The following ASIC2 variants were observed in gnomAD, a reference collection of about 807,000 sequenced individuals.
The protein encoded by ASIC2 is acid sensing ion channel subunit 2.
ASIC2 carries 25 observed loss-of-function variants against 57.3 expected under a neutral mutation model. That is an observed-to-expected ratio of 0.44 (90% CI 0.32 to 0.61). The LOEUF is 0.61. Among genes scored for constraint, ASIC2 ranks in the 20% least tolerant of loss-of-function variants. ASIC2 has a pLI of 0.06. For missense variants in ASIC2, 641 were observed against 738.1 expected (o/e 0.87, Z 1.52); for synonymous variants, 319 against 307.5 (o/e 1.04, Z -0.39).
chr17:33,150,654 G>A (rs1369130321), intron 1 of ASIC2, among the ~76,000 whole-genome samples: 1 of 151,544 alleles, frequency 6.6e-6, no homozygotes, highest in Non-Finnish European at 1.5e-5. Flanking sequence ...TTTGAGACTA[G>A]CCTGGCTAAC....
chr17:33,320,918 C>A (rs538070569), intron 1 of ASIC2, among the ~76,000 whole-genome samples: 2 of 152,114 alleles, frequency 1.3e-5, no homozygotes, highest in Non-Finnish European at 1.5e-5. Context: ...GTAGGCAGTA[C>A]CATTCGTTCT....
At chr17:33,747,039 C>T (rs1252867108) in intron 1 of ASIC2, among the ~76,000 whole-genome samples, 1 of 152,088 alleles carries the variant, frequency 6.6e-6, no homozygotes, top group African/African-American at 2.4e-5. Flanking sequence ...CGATGTTCTC[C>T]TCTGTGAAAC....
intron 1 of ASIC2, among the ~76,000 whole-genome samples, chr17:33,192,336 C>G (rs746895406): frequency 6.6e-6 from 1 of 151,882 alleles, no homozygotes; most frequent in Non-Finnish European, 1.5e-5. Flanking sequence ...TGGGCCAAGA[C>G]CATGCCATTG....
intron 3 of ASIC2, among the ~76,000 whole-genome samples, chr17:33,071,213 T>C (rs1035296283): frequency 2.6e-5 from 4 of 152,166 alleles, no homozygotes; most frequent in African/African-American, 4.8e-5. Context: ...ACCTGCCCCA[T>C]ACTTCTTGAA....
chr17:33,765,481 C>G (rs540914699), intron 1 of ASIC2, among the ~76,000 whole-genome samples: 2 of 152,320 alleles, frequency 1.3e-5, no homozygotes, highest in Non-Finnish European at 2.9e-5. Flanking sequence ...ATCAACCCTT[C>G]CTACCCACCC....
intron 1 of ASIC2, among the ~76,000 whole-genome samples, chr17:33,664,299 C>A (rs1417445216): frequency 2.0e-5 from 3 of 152,190 alleles, no homozygotes; most frequent in African/African-American, 7.2e-5. Context: ...TGGTCTCTGG[C>A]CAGCCAGTCA....
At chr17:33,368,405 AAGCCCTGGAGGTTTCT>A (rs1235775911) in intron 1 of ASIC2, among the ~76,000 whole-genome samples, 1 of 152,194 alleles carries the variant, frequency 6.6e-6, no homozygotes, top group Admixed American at 6.5e-5. Context: ...TTCTAGCCCC[AAGCCCTGGAGGTTTCT>A]AGCTGAGGGC....
chr17:33,294,620 AACAC>A (rs140511216), upstream of ASIC2, among the ~76,000 whole-genome samples: 20 of 151,396 alleles, frequency 1.3e-4, no homozygotes, highest in East Asian at 7.7e-4. Flanking sequence ...CATATACACA[AACAC>A]ACACACACAC....
intron 1 of ASIC2, among the ~76,000 whole-genome samples, chr17:33,382,296 CT>C (rs1216962468): frequency 1.3e-5 from 2 of 152,092 alleles, no homozygotes; most frequent in Non-Finnish European, 2.9e-5. Context: ...AAATGAGAAC[CT>C]TTTTTTCGGT....
At chr17:33,863,234 A>G (rs1180425181) in intron 1 of ASIC2, among the ~76,000 whole-genome samples, 1 of 152,266 alleles carries the variant, frequency 6.6e-6, no homozygotes, top group Non-Finnish European at 1.5e-5. Flanking sequence ...GTGGCTGAGA[A>G]GCCCTGATGG....
At chr17:33,405,781 C>A (rs983659314) in intron 1 of ASIC2, among the ~76,000 whole-genome samples, 7 of 152,138 alleles carry the variant, frequency 4.6e-5, no homozygotes, top group Middle Eastern at 3.4e-3. Context: ...CACACCGGGC[C>A]AAGACAGCAC....
rs973010907 is a variant in ASIC2 at position 34,139,750 on chromosome 17, AG to A, written c.555+16227del. 6.6e-3 allele frequency among the ~76,000 whole-genome samples: 1,005 copies of A among 151,482 alleles called. 7 individuals carry two copies. The highest frequency in any genetic ancestry group is 0.023 in the African/African-American group (954 of 41,148). ...TAGATTAATGATCACCTAGAACTGG[AG>A]GGGGGGGGATTGATGGAAATTGGGG... On this transcript the variant is annotated intron_variant, in intron 1 of 9. Coordinates refer to the ASIC2 transcript ENST00000359872.
chr17:33,226,928 T>C (rs1365898110), intron 1 of ASIC2, among the ~76,000 whole-genome samples: 1 of 152,234 alleles, frequency 6.6e-6, no homozygotes, highest in Non-Finnish European at 1.5e-5. Context: ...TCCAAAGTAA[T>C]GTAACTTCGA....
At chr17:33,830,012 G>A (rs1913055354) in intron 1 of ASIC2, among the ~76,000 whole-genome samples, 1 of 152,188 alleles carries the variant, frequency 6.6e-6, no homozygotes, top group Non-Finnish European at 1.5e-5. Context: ...AAAGGAGGGT[G>A]ATTATGCTTG....
intron 1 of ASIC2, among the ~76,000 whole-genome samples, chr17:33,906,394 G>T (rs191746663): frequency 3.3e-5 from 5 of 152,138 alleles, no homozygotes; most frequent in Non-Finnish European, 7.4e-5. Context: ...CTCCTAAAAA[G>T]TTCCCCCAGC....
At chr17:33,772,167 A>C (rs865987021) in intron 1 of ASIC2, among the ~76,000 whole-genome samples, 9 of 152,188 alleles carry the variant, frequency 5.9e-5, no homozygotes, top group Non-Finnish European at 1.2e-4. Flanking sequence ...GTAAAAATAG[A>C]CCATAAATAA....
intron 1 of ASIC2, among the ~76,000 whole-genome samples, chr17:34,152,400 A>G (rs1041898603): frequency 6.6e-6 from 1 of 152,170 alleles, no homozygotes; most frequent in Non-Finnish European, 1.5e-5. Context: ...TAGGGCCACC[A>G]CCTGTCAGCA....
chr17:33,559,655 A>G (rs148009392), intron 1 of ASIC2, among the ~76,000 whole-genome samples: 21 of 152,190 alleles, frequency 1.4e-4, no homozygotes, highest in Non-Finnish European at 2.6e-4. Context: ...TTTTCAATGT[A>G]TTTTCTACTC....
chr17:33,252,431 C>T (rs1229071140), intron 1 of ASIC2, among the ~76,000 whole-genome samples: 1 of 152,180 alleles, frequency 6.6e-6, no homozygotes, highest in Admixed American at 6.5e-5. Flanking sequence ...CCCGATACAC[C>T]TCTCTGGATG....
Sources: gnomAD v4.1 joint callset for allele counts (sites outside exome capture counted in the v4.1 genomes callset) on GRCh38, gnomAD v4.1.1 for gene constraint, MANE v1.5 for transcripts, NCBI Gene and HGNC (gene_info 2026-07-23, HGNC 2026-07-21) for gene names.